The following CSMD1 variants were observed in gnomAD, a reference collection of about 807,000 sequenced individuals.
The protein encoded by CSMD1 is CUB and sushi domain-containing protein 1.
Under a neutral mutation model 417.5 loss-of-function variants are expected in CSMD1, and 213 were observed. The ratio of observed to expected loss-of-function variants is 0.51; its 90% confidence interval spans 0.46 to 0.57. The LOEUF is 0.57. Ranked by LOEUF, CSMD1 falls within the 20% of genes least tolerant of loss-of-function variation. CSMD1 has a pLI of 0.00. For missense variants in CSMD1, 6,923 were observed against 4,529.7 expected, an observed-to-expected ratio of 1.53 and a Z score of -15.17; for synonymous variants, 2,862 against 1,736.8, an observed-to-expected ratio of 1.65 and a Z score of -16.11.
chr8:4,324,597 G>A (rs547159441), intron 3 of CSMD1, among the ~76,000 whole-genome samples: 1 of 152,204 alleles, frequency 6.6e-6, no homozygotes, highest in Non-Finnish European at 1.5e-5. Flanking sequence ...CTAGGAACAA[G>A]ACAGGTCAGT....
chr8:3,334,244 G>A (rs774891390), intron 23 of CSMD1, among the ~76,000 whole-genome samples: 17 of 152,192 alleles, frequency 1.1e-4, no homozygotes, highest in Non-Finnish European at 2.4e-4. Flanking sequence ...GACTCCAAAT[G>A]ATGGATTCTG....
chr8:3,606,556 G>A (rs1236043080), intron 8 of CSMD1, among the ~76,000 whole-genome samples: 1 of 152,134 alleles, frequency 6.6e-6, no homozygotes, highest in South Asian at 2.1e-4. Context: ...GTGTGAGTCA[G>A]TAAGTGGTGA....
At chr8:3,219,037 G>A (rs979331596) in intron 29 of CSMD1, among the ~76,000 whole-genome samples, 5 of 152,026 alleles carry the variant, frequency 3.3e-5, no homozygotes, top group African/African-American at 4.8e-5. Context: ...AACTGGGACA[G>A]TTTTTTTCCC....
At chr8:3,824,875 C>A (rs562943118) in intron 5 of CSMD1, among the ~76,000 whole-genome samples, 1 of 152,018 alleles carries the variant, frequency 6.6e-6, no homozygotes, top group African/African-American at 2.4e-5. Flanking sequence ...CTGACACAGG[C>A]TTTAATAAAA....
At chr8:3,233,473 G>A (rs113119642) in intron 26 of CSMD1, among the ~76,000 whole-genome samples, 1 of 152,174 alleles carries the variant, frequency 6.6e-6, no homozygotes, top group African/African-American at 2.4e-5. Context: ...AAATTACCCA[G>A]TTTCAGATAT....
chr8:3,103,623 T>TCACCACATTTATCTA (rs1356762052), intron 46 of CSMD1, among the ~76,000 whole-genome samples: 1 of 152,166 alleles, frequency 6.6e-6, no homozygotes, highest in Non-Finnish European at 1.5e-5. Flanking sequence ...ACACGGTCTG[T>TCACCACATTTATCTA]CACGGTTCAA....
At chr8:4,188,069 C>G (rs9644363) in intron 3 of CSMD1, among the ~76,000 whole-genome samples, 101,222 of 151,888 alleles carry the variant, frequency 0.67, 33,814 homozygotes, top group South Asian at 0.81. Flanking sequence ...TGATTTAAAA[C>G]AAATAGAAAA....
chr8:3,560,928 C>G (rs192618684), intron 10 of CSMD1, among the ~76,000 whole-genome samples: 28 of 152,120 alleles, frequency 1.8e-4, no homozygotes, highest in Non-Finnish European at 4.4e-5. Context: ...AGACGCCTCA[C>G]GTTGTATTTA....
chr8:3,034,478 C>A (rs1810537513), intron 50 of CSMD1, among the ~76,000 whole-genome samples: 1 of 152,112 alleles, frequency 6.6e-6, no homozygotes, highest in African/African-American at 2.4e-5. Flanking sequence ...GTGAAAAAAT[C>A]TTCTGTCTTG....
At chr8:2,990,367 G>A (rs772754084) in intron 54 of CSMD1, among the ~76,000 whole-genome samples, 142 of 152,250 alleles carry the variant, frequency 9.3e-4, no homozygotes, top group African/African-American at 3.2e-3. Flanking sequence ...AATATTTCAT[G>A]TATAGCAAAG....
intron 4 of CSMD1, among the ~76,000 whole-genome samples, chr8:4,027,778 G>A (rs921947093): frequency 2.0e-5 from 3 of 152,008 alleles, no homozygotes; most frequent in Admixed American, 1.3e-4. Flanking sequence ...AAATAACATA[G>A]TAAAGGCAGA....
At chr8:3,719,918 C>T (rs766009105) in intron 6 of CSMD1, among the ~76,000 whole-genome samples, 3 of 152,050 alleles carry the variant, frequency 2.0e-5, no homozygotes, top group Non-Finnish European at 4.4e-5. Flanking sequence ...GTTAAAAATG[C>T]CTCTAAATCG....
intron 1 of CSMD1, among the ~76,000 whole-genome samples, chr8:4,755,203 T>C (rs17071202): frequency 0.13 from 19,906 of 152,262 alleles, 1,431 homozygotes; most frequent in African/African-American, 0.16. Flanking sequence ...CTTGTAAAAA[T>C]CTCATGTCCA....
intron 5 of CSMD1, among the ~76,000 whole-genome samples, chr8:3,933,318 A>C (rs1286273929): frequency 1.3e-5 from 2 of 152,186 alleles, no homozygotes; most frequent in Non-Finnish European, 2.9e-5. Context: ...TGTTAACTGA[A>C]GCTTTCATTA....
At chr8:3,030,939 A>G (rs952174967) in intron 50 of CSMD1, among the ~76,000 whole-genome samples, 1 of 152,064 alleles carries the variant, frequency 6.6e-6, no homozygotes, top group Non-Finnish European at 1.5e-5. Flanking sequence ...AACAGTAACA[A>G]TGAAGTCTAA....
chr8:3,327,084 A>T (rs1806580366), intron 23 of CSMD1, among the ~76,000 whole-genome samples: 1 of 152,094 alleles, frequency 6.6e-6, no homozygotes, highest in African/African-American at 2.4e-5. Flanking sequence ...TCACAGAAAC[A>T]CGTGCAGAGT....
intron 2 of CSMD1, among the ~76,000 whole-genome samples, chr8:4,616,657 G>T (rs1252479076): frequency 6.6e-6 from 1 of 152,176 alleles, no homozygotes; most frequent in Non-Finnish European, 1.5e-5. Flanking sequence ...CAACGCTTGA[G>T]AAAGAGCCAA....
intron 16 of CSMD1, among the ~76,000 whole-genome samples, chr8:3,399,121 C>G (rs1236003003): frequency 1.3e-5 from 2 of 152,062 alleles, no homozygotes; most frequent in Middle Eastern, 3.2e-3. Flanking sequence ...GTCCCAAACC[C>G]AGAGTCAGAT....
intron 2 of CSMD1, among the ~76,000 whole-genome samples, chr8:4,489,429 G>C (rs1053181936): frequency 6.6e-6 from 1 of 152,176 alleles, no homozygotes; most frequent in Non-Finnish European, 1.5e-5. Flanking sequence ...GATGCTCAAA[G>C]TCTTTTTATA....
Sources: gnomAD v4.1 joint callset for allele counts (sites outside exome capture counted in the v4.1 genomes callset) on GRCh38, gnomAD v4.1.1 for gene constraint, MANE v1.5 for transcripts, NCBI Gene and HGNC (gene_info 2026-07-23, HGNC 2026-07-21) for gene names.